Variants in GRIK3 observed in about 807,000 individuals in gnomAD.
GRIK3 encodes glutamate receptor ionotropic, kainate 3.
A neutral mutation model predicts 102.5 loss-of-function variants in GRIK3; 29 were observed. The ratio of observed to expected loss-of-function variants is 0.28; its 90% confidence interval spans 0.21 to 0.39. The LOEUF (loss-of-function observed/expected upper bound fraction) is 0.39, where lower values mean the gene tolerates loss of function less well. Ranked by LOEUF, GRIK3 falls within the 10% of genes least tolerant of loss-of-function variation. GRIK3 has a pLI of 1.00. For missense variants in GRIK3, 908 were observed against 1,252.4 expected (o/e 0.73, Z 4.15); for synonymous variants, 511 against 504.9 (o/e 1.01, Z -0.16).
intron 1 of GRIK3, among the ~76,000 whole-genome samples, chr1:36,923,646 G>A (rs1000940112): frequency 3.9e-5 from 6 of 152,222 alleles, no homozygotes; most frequent in Non-Finnish European, 7.4e-5. Flanking sequence ...AATTGGAGAG[G>A]TGAATGAAAC....
intron 2 of GRIK3, among the ~76,000 whole-genome samples, chr1:36,888,987 A>G (rs939778891): frequency 5.3e-5 from 8 of 152,064 alleles, no homozygotes; most frequent in Non-Finnish European, 1.2e-4. Flanking sequence ...TCATTTGTGC[A>G]TCCGATCAAA....
chr1:36,882,910 C>T (rs2124265368), intron 2 of GRIK3, among the ~76,000 whole-genome samples: 1 of 152,330 alleles, frequency 6.6e-6, no homozygotes, highest in Middle Eastern at 3.4e-3. Context: ...TAGTTTTCCG[C>T]CAGTTGCAAC....
At chr1:36,934,819 C>A (rs1257071894) in intron 1 of GRIK3, among the ~76,000 whole-genome samples, 1 of 152,146 alleles carries the variant, frequency 6.6e-6, no homozygotes, top group Non-Finnish European at 1.5e-5. Context: ...ATCTCTTTCC[C>A]CAAAGTTCCA....
At chr1:36,964,659 C>A (rs1008296871) in intron 1 of GRIK3, among the ~76,000 whole-genome samples, 1 of 152,184 alleles carries the variant, frequency 6.6e-6, no homozygotes, top group Non-Finnish European at 1.5e-5. Context: ...GTGACTTGCC[C>A]AAGACCATGC....
At chr1:36,878,667 GAAGA>G (rs1323827010) in intron 3 of GRIK3, among the ~76,000 whole-genome samples, 7 of 152,214 alleles carry the variant, frequency 4.6e-5, no homozygotes, top group Admixed American at 4.6e-4. Context: ...AGAAAGAGGA[GAAGA>G]AACAGCTCCA....
chr1:36,828,893 G>A (rs1000151979), intron 10 of GRIK3, among the ~76,000 whole-genome samples: 3 of 152,200 alleles, frequency 2.0e-5, no homozygotes, highest in African/African-American at 7.2e-5. Context: ...CTAATCACAT[G>A]GCCACAGGTG....
At chr1:36,900,126 A>G (rs141831163) in intron 1 of GRIK3, among the ~76,000 whole-genome samples, 108 of 152,342 alleles carry the variant, frequency 7.1e-4, no homozygotes, top group African/African-American at 2.5e-3. Flanking sequence ...TGGAACATTC[A>G]GCAATATAGA....
intron 1 of GRIK3, among the ~76,000 whole-genome samples, chr1:37,005,343 C>T (rs1401164139): frequency 2.6e-5 from 4 of 152,226 alleles, no homozygotes; most frequent in Admixed American, 6.5e-5. Context: ...CAGCTCCAGT[C>T]CCATGTTTCC....
At chr1:36,961,878 C>A (rs1469307456) in intron 1 of GRIK3, among the ~76,000 whole-genome samples, 1 of 152,186 alleles carries the variant, frequency 6.6e-6, no homozygotes, top group African/African-American at 2.4e-5. Context: ...TCAGGACAAC[C>A]AACCACCCTT....
rs999623761 is a variant in GRIK3, at chr1:36,864,807, G to C, written c.787-4790C>G. On this transcript the variant is annotated intron_variant, in intron 5 of 15. Coordinates refer to ENST00000373091, the MANE Select transcript of GRIK3 (RefSeq NM_000831.4). ...CCGTGATACGAGGACAATGACAATG[G>C]GGAGCTGGTGAAGAGGCTCTTTTGT... is the stretch of plus-strand genomic sequence containing the variant. Among the ~76,000 whole-genome samples, 8 of 151,672 alleles carry C rather than the reference G, an allele frequency of 5.3e-5. No individual in the cohort carries two copies. The East Asian group carries it at 9.8e-4, about 19-fold the overall frequency.
intron 1 of GRIK3, among the ~76,000 whole-genome samples, chr1:36,947,821 C>T (rs1641801522): frequency 6.6e-6 from 1 of 152,142 alleles, no homozygotes; most frequent in African/African-American, 2.4e-5. Context: ...CCCCTCACAG[C>T]TCCTGATACT....
chr1:36,820,957 C>T lies in GRIK3; in HGVS notation c.1755-1103G>A, dbSNP rs377203194. Among the ~76,000 whole-genome samples, 116 of 152,168 alleles carry T rather than the reference C, an allele frequency of 7.6e-4. 1 individual carries two copies. The highest frequency in any genetic ancestry group is 2.6e-3 in the African/African-American group (107 of 41,500). On this transcript the variant is annotated intron_variant, in intron 11 of 15. Coordinates refer to ENST00000373091, the MANE Select transcript of GRIK3 (RefSeq NM_000831.4). ...AAAGAAGCTCGAGAGGTTGGGGGGA[C>T]CCTAGAAAAAGTCCCAGGCTGGTGG...
At chr1:36,922,826 A>C (rs1238959808) in intron 1 of GRIK3, among the ~76,000 whole-genome samples, 2 of 151,836 alleles carry the variant, frequency 1.3e-5, no homozygotes, top group Non-Finnish European at 2.9e-5. Flanking sequence ...CACTCCCTAA[A>C]CCCCTGAGCA....
intron 1 of GRIK3, among the ~76,000 whole-genome samples, chr1:36,943,656 G>A (rs867379744): frequency 1.3e-5 from 2 of 152,212 alleles, no homozygotes; most frequent in Non-Finnish European, 1.5e-5. Flanking sequence ...GACAATAAAT[G>A]AGCAAATAAA....
rs1235826423 is a variant in GRIK3, at chr1:36,876,665, A to C, written c.550+3969T>G. ...TCCAAAGCAAACACAGCCAAAGCCC[A>C]CTGTGGAGTATTTCCCACTCCATGG... On this transcript the variant is annotated intron_variant, in intron 3 of 15. Coordinates refer to ENST00000373091, the MANE Select transcript of GRIK3 (RefSeq NM_000831.4). 2.0e-5 allele frequency among the ~76,000 whole-genome samples: 3 copies of C among 152,214 alleles called. No homozygotes were observed. In the East Asian group the frequency reaches 5.8e-4, roughly 29 times the overall value.
At chr1:36,971,131 A>C (rs1171821191) in intron 1 of GRIK3, among the ~76,000 whole-genome samples, 2 of 152,130 alleles carry the variant, frequency 1.3e-5, no homozygotes, top group Non-Finnish European at 2.9e-5. Flanking sequence ...TCCCTTGGAG[A>C]ACCTCCTTCA....
At chr1:36,932,456 C>T (rs2124315039) in intron 1 of GRIK3, among the ~76,000 whole-genome samples, 1 of 152,284 alleles carries the variant, frequency 6.6e-6, no homozygotes, top group African/African-American at 2.4e-5. Flanking sequence ...CCAAGGTCAT[C>T]CTTCGTTTCT....
rs519188 is a variant in GRIK3, at chr1:36,852,575, A to C, written c.1212+1040T>G. 2.9e-3 allele frequency among the ~76,000 whole-genome samples: 441 copies of C among 152,328 alleles called. 3 individuals carry two copies. The highest frequency in any genetic ancestry group is 9.0e-3 in the African/African-American group (375 of 41,572). ...GCAGAGCTGTGCTTGGGGAAGCCTC[A>C]TCTGTGTGTACACTCTGGATGGCTG... On this transcript the variant is annotated intron_variant, in intron 8 of 15. Coordinates refer to ENST00000373091, the MANE Select transcript of GRIK3 (RefSeq NM_000831.4).
intron 1 of GRIK3, among the ~76,000 whole-genome samples, chr1:36,893,544 T>G (rs1214633847): frequency 6.6e-6 from 1 of 152,168 alleles, no homozygotes; most frequent in African/African-American, 2.4e-5. Context: ...TGGCTCCAGC[T>G]TTGGTGCGGG....
Sources: allele counts gnomAD v4.1 joint callset (sites outside exome capture counted in the v4.1 genomes callset), GRCh38; gene constraint gnomAD v4.1.1; transcripts MANE v1.5; gene names NCBI Gene and HGNC (gene_info 2026-07-23, HGNC 2026-07-21).